Variants in PDE1C observed in about 807,000 individuals in gnomAD.
The protein encoded by PDE1C is phosphodiesterase 1C.
Under a neutral mutation model 93.1 loss-of-function variants are expected in PDE1C, and 62 were observed. That is an observed-to-expected ratio of 0.67 (90% CI 0.54 to 0.82). PDE1C has a LOEUF of 0.82. Among genes scored for constraint, PDE1C ranks in the 40% least tolerant of loss-of-function variants. The pLI is 0.00. For missense variants in PDE1C, 742 were observed against 884.6 expected, an observed-to-expected ratio of 0.84 and a Z score of 2.04; for synonymous variants, 325 against 310.1, an observed-to-expected ratio of 1.05 and a Z score of -0.50.
chr7:31,692,743 CAGAGAGAGAGAA>C, the PDE1C span, among the ~76,000 whole-genome samples: 1 of 152,064 alleles, frequency 6.6e-6, no homozygotes, highest in Non-Finnish European at 1.5e-5. Flanking sequence ...GTTCATTAGA[CAGAGAGAGAGAA>C]AGAGAGAGAG....
At chr7:32,354,271 A>G (rs1484999252) in intron 1 of PDE1C, among the ~76,000 whole-genome samples, 1 of 152,176 alleles carries the variant, frequency 6.6e-6, no homozygotes, top group African/African-American at 2.4e-5. Flanking sequence ...TCCCTTCATC[A>G]ATCACAATTG....
At chr7:31,656,697 G>T in the PDE1C span, among the ~76,000 whole-genome samples, 1 of 152,260 alleles carries the variant, frequency 6.6e-6, no homozygotes, top group South Asian at 2.1e-4. Flanking sequence ...TGTAAAAAGG[G>T]ACTTATTTGT....
chr7:32,136,518 C>A (rs555055758), intron 3 of PDE1C, among the ~76,000 whole-genome samples: 5 of 144,300 alleles, frequency 3.5e-5, no homozygotes, highest in African/African-American at 9.7e-5. Flanking sequence ...TTTTTTGCTT[C>A]CCTGTGCCCA....
At chr7:32,339,359 G>C (rs112449787) in intron 1 of PDE1C, among the ~76,000 whole-genome samples, 83 of 152,272 alleles carry the variant, frequency 5.5e-4, no homozygotes, top group African/African-American at 1.9e-3. Context: ...GGGAGACAGA[G>C]GTACGACGGA....
chr7:31,898,034 G>T (rs1246044599), intron 2 of PDE1C, among the ~76,000 whole-genome samples: 843 of 52,604 alleles, frequency 0.016, 7 homozygotes, highest in African/African-American at 0.032. Context: ...GTGTGTGTGT[G>T]TGTGTGTGTG....
At chr7:31,625,779 AAAAC>A in the PDE1C span, among the ~76,000 whole-genome samples, 2 of 152,162 alleles carry the variant, frequency 1.3e-5, no homozygotes, top group East Asian at 3.8e-4. Flanking sequence ...AATTAAAAAA[AAAAC>A]AGTTAAAGAA....
intron 2 of PDE1C, among the ~76,000 whole-genome samples, chr7:31,910,880 A>G (rs1801151842): frequency 6.6e-6 from 1 of 152,218 alleles, no homozygotes; most frequent in African/African-American, 2.4e-5. Flanking sequence ...AGTGTTTGCA[A>G]TTATTAGTGG....
intron 2 of PDE1C, among the ~76,000 whole-genome samples, chr7:31,983,121 C>G (rs551297580): frequency 6.4e-4 from 97 of 152,324 alleles, no homozygotes; most frequent in Admixed American, 1.2e-3. Flanking sequence ...CTCCATGTAA[C>G]TATCCTTGTC....
chr7:32,124,380 G>A (rs1799456073), intron 3 of PDE1C, among the ~76,000 whole-genome samples: 1 of 152,048 alleles, frequency 6.6e-6, no homozygotes, highest in South Asian at 2.1e-4. Flanking sequence ...AATCAAAGAA[G>A]ACCCCACATA....
chr7:31,819,888 C>T (rs1380584542), intron 14 of PDE1C, among the ~76,000 whole-genome samples: 1 of 151,982 alleles, frequency 6.6e-6, no homozygotes, highest in African/African-American at 2.4e-5. Flanking sequence ...GAGAAACTGA[C>T]CAGAAAACCC....
intron 2 of PDE1C, among the ~76,000 whole-genome samples, chr7:31,973,265 G>A (rs1299140851): frequency 2.0e-5 from 3 of 152,040 alleles, no homozygotes; most frequent in African/African-American, 7.2e-5. Flanking sequence ...CTTAGATGGA[G>A]AAAAGAAAGA....
the PDE1C span, among the ~76,000 whole-genome samples, chr7:31,617,237 C>T: frequency 6.6e-6 from 1 of 151,902 alleles, no homozygotes; most frequent in Non-Finnish European, 1.5e-5. Context: ...AGACACTGTT[C>T]TAATTAGAAT....
intron 2 of PDE1C, among the ~76,000 whole-genome samples, chr7:32,019,453 T>C (rs1262781240): frequency 6.6e-6 from 1 of 152,170 alleles, no homozygotes; most frequent in Non-Finnish European, 1.5e-5. Flanking sequence ...AGGCCAGGCA[T>C]ACCATGCTAG....
At chr7:32,157,645 C>A (rs1393931148) in intron 3 of PDE1C, among the ~76,000 whole-genome samples, 2 of 152,128 alleles carry the variant, frequency 1.3e-5, no homozygotes, top group African/African-American at 4.8e-5. Flanking sequence ...ATTAAGTTTC[C>A]TGACTATGGC....
chr7:31,821,492 T>C (rs1355452259), intron 14 of PDE1C, among the ~76,000 whole-genome samples: 1 of 152,086 alleles, frequency 6.6e-6, no homozygotes, highest in African/African-American at 2.4e-5. Context: ...TGTAATTGAT[T>C]ATAAGAGAGT....
intron 1 of PDE1C, among the ~76,000 whole-genome samples, chr7:32,323,484 A>G (rs981792311): frequency 2.0e-5 from 3 of 152,184 alleles, no homozygotes; most frequent in Non-Finnish European, 4.4e-5. Context: ...GTGGGCAGGA[A>G]AATACCCACC....
intron 3 of PDE1C, among the ~76,000 whole-genome samples, chr7:32,119,186 A>G (rs1799154162): frequency 6.6e-6 from 1 of 152,206 alleles, no homozygotes; most frequent in Non-Finnish European, 1.5e-5. Context: ...AGTCTACCAA[A>G]AAACTCAAGG....
intron 1 of PDE1C, among the ~76,000 whole-genome samples, chr7:32,256,974 T>C (rs1490514485): frequency 6.6e-6 from 1 of 152,138 alleles, no homozygotes; most frequent in Non-Finnish European, 1.5e-5. Context: ...GAAGCAGGGA[T>C]GAAATTCATC....
the PDE1C span, among the ~76,000 whole-genome samples, chr7:31,634,291 C>A: frequency 5.9e-5 from 9 of 152,032 alleles, no homozygotes; most frequent in African/African-American, 2.2e-4. Context: ...TTAGTATTAA[C>A]CATGATTATT....
Sources: allele counts gnomAD v4.1 joint callset (sites outside exome capture counted in the v4.1 genomes callset), GRCh38; gene constraint gnomAD v4.1.1; transcripts MANE v1.5; gene names NCBI Gene and HGNC (gene_info 2026-07-23, HGNC 2026-07-21).